CADPS2: variants seen among roughly 807,000 people sequenced by gnomAD.
The protein encoded by CADPS2 is calcium-dependent secretion activator 2.
CADPS2 carries 93 observed loss-of-function variants against 172.5 expected under a neutral mutation model. The ratio of observed to expected loss-of-function variants is 0.54; its 90% CI spans 0.46 to 0.64. CADPS2 has a LOEUF of 0.64. Among genes scored for constraint, CADPS2 ranks in the 30% least tolerant of loss-of-function variants. The pLI, the probability that CADPS2 is intolerant of heterozygous loss-of-function variation, is 0.00. For missense variants in CADPS2, 1,420 were observed against 1,565.9 expected (o/e 0.91, Z 1.57); for synonymous variants, 546 against 555.2 (o/e 0.98, Z 0.23).
intron 1 of CADPS2, among the ~76,000 whole-genome samples, chr7:122,781,990 T>A (rs898123170): frequency 2.6e-5 from 4 of 152,218 alleles, no homozygotes; most frequent in African/African-American, 4.8e-5. Flanking sequence ...TTTGTTCAGA[T>A]TTTATGACAG....
In CADPS2 at chr7:122,694,343, G is replaced by T. The variant is rs557549026; in HGVS notation, c.454-30774C>A. Among the ~76,000 whole-genome samples the T allele has an allele frequency of 2.6e-5, 4 of 152,342 alleles. No individual in the cohort carries two copies. The East Asian group carries it at 7.7e-4, about 29-fold the overall frequency. ...CAGAGGGAATTCTGAAAAAGATGCT[G>T]TGAGTTGTTAAGTTTTCAAAGATGA... On this transcript the variant is annotated intron_variant, in intron 2 of 29. Transcript: ENST00000449022.
chr7:122,814,593 G>A (rs192530005), intron 1 of CADPS2, among the ~76,000 whole-genome samples: 13 of 152,082 alleles, frequency 8.5e-5, no homozygotes, highest in East Asian at 7.7e-4. Flanking sequence ...GAACACAGCC[G>A]TACTCATTCA....
At chr7:122,807,764 C>G (rs956443011) in intron 1 of CADPS2, among the ~76,000 whole-genome samples, 2 of 152,066 alleles carry the variant, frequency 1.3e-5, no homozygotes, top group African/African-American at 4.8e-5. Context: ...CACATACAAT[C>G]TTGGCATGGG....
chr7:122,482,992 A>G (rs1244961578), intron 11 of CADPS2, among the ~76,000 whole-genome samples: 2 of 152,220 alleles, frequency 1.3e-5, no homozygotes, highest in Admixed American at 1.3e-4. Flanking sequence ...AGCAGCAAGA[A>G]TATAAAAGCT....
intron 8 of CADPS2, among the ~76,000 whole-genome samples, chr7:122,522,026 C>A (rs1055620601): frequency 3.9e-5 from 6 of 152,066 alleles, no homozygotes; most frequent in Non-Finnish European, 7.4e-5. Flanking sequence ...ACCATAAAAC[C>A]CCATTCCACC....
chr7:122,849,852 CT>C, intron 1 of CADPS2: 1 of 576,328 alleles, frequency 1.7e-6, no homozygotes, highest in Non-Finnish European at 3.4e-6. Flanking sequence ...ATGGTGTTTC[CT>C]TCTGGGCAGA....
intron 1 of CADPS2, among the ~76,000 whole-genome samples, chr7:122,803,901 G>C (rs1798193810): frequency 6.8e-6 from 1 of 146,038 alleles, no homozygotes; most frequent in Non-Finnish European, 1.5e-5. Context: ...TTAATAAAGT[G>C]AGAATTCCTG....
chr7:122,852,047 T>A (rs565824232), intron 1 of CADPS2, among the ~76,000 whole-genome samples: 1 of 152,220 alleles, frequency 6.6e-6, no homozygotes, highest in Non-Finnish European at 1.5e-5. Flanking sequence ...GCGGCAGAAC[T>A]GTAATTTGAA....
At chr7:122,492,200 AT>A (rs2058355859) in intron 9 of CADPS2, among the ~76,000 whole-genome samples, 3 of 150,546 alleles carry the variant, frequency 2.0e-5, no homozygotes, top group African/African-American at 4.9e-5. Flanking sequence ...AAATAAATAA[AT>A]TAATTAATTA....
intron 1 of CADPS2, among the ~76,000 whole-genome samples, chr7:122,860,221 A>C (rs1388673431): frequency 6.6e-6 from 1 of 152,140 alleles, no homozygotes; most frequent in Non-Finnish European, 1.5e-5. Context: ...GTAACCAACA[A>C]GTACCTGACA....
chr7:122,657,708 G>A (rs2079979871), intron 3 of CADPS2, among the ~76,000 whole-genome samples: 1 of 152,090 alleles, frequency 6.6e-6, no homozygotes, highest in Non-Finnish European at 1.5e-5. Flanking sequence ...GGAGATTTGG[G>A]GCTGAGATGA....
chr7:122,824,805 T>A (rs1455531482), intron 1 of CADPS2, among the ~76,000 whole-genome samples: 1 of 152,176 alleles, frequency 6.6e-6, no homozygotes, highest in Non-Finnish European at 1.5e-5. Flanking sequence ...TTTTATTTTT[T>A]ATATTTAGAA....
intron 1 of CADPS2, among the ~76,000 whole-genome samples, chr7:122,771,708 G>A (rs978893871): frequency 1.3e-5 from 2 of 152,144 alleles, no homozygotes; most frequent in African/African-American, 4.8e-5. Flanking sequence ...GGGAAGGTGT[G>A]GTCACGAAGA....
chr7:122,597,915 T>C (rs2072114856), intron 6 of CADPS2, among the ~76,000 whole-genome samples: 3 of 145,172 alleles, frequency 2.1e-5, no homozygotes. Context: ...TTTTTAACAT[T>C]TTTTTTTTTT....
At chr7:122,437,317 T>A (rs1291625736) in intron 17 of CADPS2, among the ~76,000 whole-genome samples, 1 of 152,120 alleles carries the variant, frequency 6.6e-6, no homozygotes, top group Non-Finnish European at 1.5e-5. Flanking sequence ...TTTTTGTTAA[T>A]CACTCAGGAG....
intron 2 of CADPS2, chr7:122,701,667 C>G: frequency 2.3e-6 from 1 of 443,342 alleles, no homozygotes; most frequent in Non-Finnish European, 4.0e-6. Context: ...GTTCAAATAG[C>G]TGGGCATGAT....
chr7:122,430,494 A>G (rs1269529239), intron 17 of CADPS2, among the ~76,000 whole-genome samples: 4 of 152,218 alleles, frequency 2.6e-5, no homozygotes, highest in Admixed American at 2.6e-4. Flanking sequence ...AAAAACAATT[A>G]GGAAACATGA....
intron 1 of CADPS2, among the ~76,000 whole-genome samples, chr7:122,799,614 A>G (rs1331737415): frequency 6.6e-6 from 1 of 151,536 alleles, no homozygotes; most frequent in Non-Finnish European, 1.5e-5. Context: ...AAAAAAAAAA[A>G]AAAAAAGAAA....
chr7:122,584,350 T>C (rs952273444), intron 6 of CADPS2, among the ~76,000 whole-genome samples: 1 of 151,962 alleles, frequency 6.6e-6, no homozygotes, highest in African/African-American at 2.4e-5. Context: ...AAGTTTTATG[T>C]TATTTATTTC....
Sources: gnomAD v4.1 joint callset for allele counts (sites outside exome capture counted in the v4.1 genomes callset) on GRCh38, gnomAD v4.1.1 for gene constraint, MANE v1.5 for transcripts, NCBI Gene and HGNC (gene_info 2026-07-23, HGNC 2026-07-21) for gene names.